SDK1: variants seen among roughly 807,000 people sequenced by gnomAD.
SDK1 encodes the protein sidekick cell adhesion molecule 1.
A neutral mutation model predicts 245.5 loss-of-function variants in SDK1; 157 were observed. The observed-to-expected ratio is 0.64, with a 90% CI of 0.56 to 0.73. The LOEUF is 0.73. SDK1 is among the 30% of genes least tolerant of loss of function. The pLI is 0.00. For synonymous variants in SDK1, 1,647 were observed against 1,278.5 expected (o/e 1.29, Z -6.15); for missense variants, 3,583 against 3,002.3 (o/e 1.19, Z -4.52).
chr7:3,306,194 C>A (rs142310088), intron 1 of SDK1, among the ~76,000 whole-genome samples: 4 of 152,208 alleles, frequency 2.6e-5, no homozygotes, highest in Non-Finnish European at 4.4e-5. Flanking sequence ...ACCTTATTTA[C>A]GATTATGATT....
chr7:3,804,064 A>G (rs1010862209), intron 4 of SDK1, among the ~76,000 whole-genome samples: 1 of 152,108 alleles, frequency 6.6e-6, no homozygotes, highest in Non-Finnish European at 1.5e-5. Context: ...CTGCCCAGCA[A>G]TATTTTCCTC....
intron 7 of SDK1, among the ~76,000 whole-genome samples, 174 bp from the exon 8 acceptor site, chr7:3,958,757 T>C (rs2128128351): frequency 6.6e-6 from 1 of 152,326 alleles, no homozygotes; most frequent in Middle Eastern, 3.4e-3. Flanking sequence ...AACCCCAGAC[T>C]GTAAATTGCC....
intron 1 of SDK1, among the ~76,000 whole-genome samples, chr7:3,420,366 C>T (rs17133303): frequency 0.11 from 16,636 of 152,196 alleles, 1,227 homozygotes; most frequent in African/African-American, 0.2. Flanking sequence ...CAACTCAGAT[C>T]GTTTCAACAA....
rs1470797366 is a variant in SDK1, at chr7:3,925,703, T to C, written c.848-25220T>C. 3.9e-5 allele frequency among the ~76,000 whole-genome samples: 6 copies of C among 152,230 alleles called. No homozygotes were observed. In the East Asian group the frequency reaches 1.2e-3, roughly 29 times the overall value. Reference sequence around the variant, plus strand: ...GCTGAAGAAATGCTAAAGAGAAGTTTGTAAAATTCAGAGCCTCATCTCAGA... The same window carrying C: ...GCTGAAGAAATGCTAAAGAGAAGTTCGTAAAATTCAGAGCCTCATCTCAGA... On this transcript the variant is annotated intron_variant, in intron 5 of 44. Coordinates refer to ENST00000404826, the MANE Select transcript of SDK1 (RefSeq NM_152744.4).
chr7:3,587,595 C>T (rs77535793), intron 1 of SDK1, among the ~76,000 whole-genome samples: 2 of 152,328 alleles, frequency 1.3e-5, no homozygotes, highest in East Asian at 1.9e-4. Context: ...GCTTTTTCAG[C>T]CCCCAATGGA....
intron 35 of SDK1, among the ~76,000 whole-genome samples, chr7:4,180,250 G>GCCCAGCTCCAGCTCTATGCCCAGTA (rs1562398490): frequency 2.8e-5 from 4 of 145,126 alleles, no homozygotes; most frequent in Non-Finnish European, 4.5e-5. Flanking sequence ...TATGCCCAGT[G>GCCCAGCTCCAGCTCTATGCCCAGTA]CCCGGCTCCA....
chr7:4,079,388 G>C, intron 21 of SDK1, 75 bp from the exon 22 acceptor site: 6 of 1,537,412 alleles, frequency 3.9e-6, no homozygotes, highest in Non-Finnish European at 5.3e-6. Flanking sequence ...TACTTTTGAA[G>C]CTGACACGTT....
At chr7:3,931,660 C>A (rs1779984204) in intron 5 of SDK1, among the ~76,000 whole-genome samples, 1 of 152,154 alleles carries the variant, frequency 6.6e-6, no homozygotes, top group South Asian at 2.1e-4. Context: ...GCTCAGCATC[C>A]CTAGGTTGAT....
intron 4 of SDK1, among the ~76,000 whole-genome samples, chr7:3,699,606 A>G (rs1005927383): frequency 2.6e-4 from 39 of 152,288 alleles, no homozygotes; most frequent in Middle Eastern, 6.8e-3. Context: ...GAGAAAACAG[A>G]CTAAACAAAC....
intron 1 of SDK1, among the ~76,000 whole-genome samples, chr7:3,487,697 G>C (rs1781742219): frequency 6.9e-6 from 1 of 144,878 alleles, no homozygotes; most frequent in African/African-American, 2.5e-5. Flanking sequence ...TGAGGCTGCA[G>C]TGAGCTGTGA....
intron 1 of SDK1, among the ~76,000 whole-genome samples, chr7:3,584,452 AC>A (rs1286480888): frequency 6.6e-6 from 1 of 152,082 alleles, no homozygotes; most frequent in Non-Finnish European, 1.5e-5. Context: ...AATGCTGCAA[AC>A]AGGGTTGCTA....
intron 27 of SDK1, among the ~76,000 whole-genome samples, chr7:4,131,007 A>T (rs1784776140): frequency 2.0e-5 from 3 of 152,128 alleles, no homozygotes. Flanking sequence ...CGCCTCACGG[A>T]GAGACGGGAA....
intron 1 of SDK1, among the ~76,000 whole-genome samples, chr7:3,572,496 G>C (rs1176946145): frequency 6.6e-6 from 1 of 152,050 alleles, no homozygotes; most frequent in African/African-American, 2.4e-5. Context: ...AATGACCACA[G>C]AGGAGATAGC....
intron 4 of SDK1, among the ~76,000 whole-genome samples, chr7:3,715,608 T>C (rs893608932): frequency 2.0e-5 from 3 of 152,088 alleles, no homozygotes; most frequent in African/African-American, 4.8e-5. Context: ...AAAAACACAT[T>C]ATCATTGGAA....
chr7:3,748,949 T>G (rs912202005), intron 4 of SDK1, among the ~76,000 whole-genome samples: 2 of 152,194 alleles, frequency 1.3e-5, no homozygotes, highest in African/African-American at 2.4e-5. Context: ...ACATTCTAGT[T>G]TGTGGTAGGT....
chr7:3,630,122 C>G (rs2128647781), intron 2 of SDK1, among the ~76,000 whole-genome samples: 1 of 152,078 alleles, frequency 6.6e-6, no homozygotes, highest in African/African-American at 2.4e-5. Flanking sequence ...GAAAAGGGCA[C>G]AAATGAGTTG....
intron 1 of SDK1, among the ~76,000 whole-genome samples, chr7:3,366,710 A>T (rs1177992740): frequency 6.6e-6 from 1 of 152,018 alleles, no homozygotes; most frequent in Admixed American, 6.6e-5. Flanking sequence ...GCCTATTTGT[A>T]TATTGGATTT....
chr7:4,206,874 T>C (rs970660178), intron 36 of SDK1, among the ~76,000 whole-genome samples: 1 of 152,142 alleles, frequency 6.6e-6, no homozygotes, highest in Non-Finnish European at 1.5e-5. Flanking sequence ...TTAAAGATGG[T>C]TTTTGCAGGT....
chr7:3,401,299 G>A (rs2128573433), intron 1 of SDK1, among the ~76,000 whole-genome samples: 1 of 152,286 alleles, frequency 6.6e-6, no homozygotes, highest in Admixed American at 6.5e-5. Flanking sequence ...ATGGAGGCAG[G>A]ATCAGAATGG....
Sources: gnomAD v4.1 joint callset for allele counts (sites outside exome capture counted in the v4.1 genomes callset) on GRCh38, gnomAD v4.1.1 for gene constraint, MANE v1.5 for transcripts, NCBI Gene and HGNC (gene_info 2026-07-23, HGNC 2026-07-21) for gene names.